TYW5: variants seen among roughly 807,000 people sequenced by gnomAD.
TYW5 encodes tRNA wybutosine-synthesizing protein 5.
Under a neutral mutation model 44.4 loss-of-function variants are expected in TYW5, and 36 were observed. That is an observed-to-expected ratio of 0.81 (90% CI 0.62 to 1.07). The LOEUF (loss-of-function observed/expected upper bound fraction) is 1.07, where lower values mean the gene tolerates loss of function less well. Among genes scored for constraint, TYW5 ranks in the 50% least tolerant of loss-of-function variants. TYW5 has a pLI of 0.00. For missense variants in TYW5, 354 were observed against 365.7 expected (o/e 0.97, Z 0.26); for synonymous variants, 121 against 128.1 (o/e 0.94, Z 0.37).
At chr2:199,955,052 T>C (rs2077584069) in intron 1 of TYW5, among the ~76,000 whole-genome samples, 1 of 152,204 alleles carries the variant, frequency 6.6e-6, no homozygotes, top group Non-Finnish European at 1.5e-5. Context: ...CTTTCCTTTT[T>C]GGCTCAGTGG....
chr2:199,940,709 G>C (rs982923366), intron 3 of TYW5, among the ~76,000 whole-genome samples: 2 of 151,700 alleles, frequency 1.3e-5, no homozygotes, highest in African/African-American at 4.8e-5. Flanking sequence ...GCTCATGATA[G>C]TGACTGGATC....
In TYW5 at chr2:199,935,993, A is replaced by T. The variant is rs2077417513; in HGVS notation, c.629T>A (p.Leu210His). 3 of 1,613,306 alleles carry T rather than the reference A, an allele frequency of 1.9e-6. No individual in the cohort carries two copies. ...TTCATATCTTCTAGCCTTGGAAAAAAGTGGATATTTAGCCAAGTCTGGGTT... is the reference window on the plus strand; with the variant it reads ...TTCATATCTTCTAGCCTTGGAAAAATGTGGATATTTAGCCAAGTCTGGGTT... ...IDNPDLAKYP[L>H]FSKARRYECS... The change falls in exon 7 of 8, where the codon CTT (leucine) becomes CAT (histidine). Residue 210 changes from leucine (L) to histidine (H), a missense_variant. Physicochemically the swap from Leu to His is moderately conservative, Grantham distance 99. Transcript: ENST00000354611.
At position 199,932,282 on chromosome 2, in the gene TYW5, A is replaced by T. The variant is rs1289890332; in HGVS notation, c.*785T>A. ...GGACCTAGGTATCTGTACATTTTTT[A>T]AAGTTCCTCAAAAAATTCTGCTTCT... On this transcript the variant is annotated 3_prime_UTR_variant, in exon 8 of 8. Coordinates refer to ENST00000354611, the MANE Select transcript of TYW5 (RefSeq NM_001039693.3). 1 of 152,190 alleles carries T rather than the reference A, an allele frequency of 6.6e-6. No homozygotes were observed. The highest frequency in any genetic ancestry group is 2.4e-5 in the African/African-American group (1 of 41,448). The allele number at this position is 152,190 out of a possible 1,614,324, so 9.4% of individuals were successfully genotyped here.
intron 7 of TYW5, among the ~76,000 whole-genome samples, chr2:199,934,581 T>TG (rs2077404741): frequency 6.6e-6 from 1 of 152,018 alleles, no homozygotes; most frequent in African/African-American, 2.4e-5. Flanking sequence ...AAGACAAAGA[T>TG]GAACAAAACA....
intron 1 of TYW5, among the ~76,000 whole-genome samples, chr2:199,951,438 T>C (rs2077544108): frequency 6.6e-6 from 1 of 152,206 alleles, no homozygotes; most frequent in Non-Finnish European, 1.5e-5. Context: ...TAGGGTCTTT[T>C]AAAAAATAAT....
intron 1 of TYW5, among the ~76,000 whole-genome samples, chr2:199,953,368 A>G (rs1484817890): frequency 6.6e-6 from 1 of 152,166 alleles, no homozygotes; most frequent in East Asian, 1.9e-4. Context: ...AGGTTTATCA[A>G]TTGTAACAAA....
Position 199,953,516 on chromosome 2 carries a change from T to TA in TYW5, c.78+1876dup, listed in dbSNP as rs1219456447. On this transcript the variant is annotated intron_variant, in intron 1 of 7. Coordinates refer to ENST00000354611, the MANE Select transcript of TYW5 (RefSeq NM_001039693.3). ...AGCCTCGAAAAAACAGTCTATTTTT[T>TA]AAAAAGTCATTTTGTGCCTTATTGA... Among the ~76,000 whole-genome samples the TA allele has an allele frequency of 1.6e-4, 24 of 152,272 alleles. No individual in the cohort carries two copies. In the South Asian group the frequency reaches 4.6e-3, roughly 29 times the overall value.
rs1262292074 is a variant in TYW5 at position 199,929,629 on chromosome 2, T to G, written c.*3438A>C. Among the ~76,000 whole-genome samples the G allele has an allele frequency of 1.3e-5, 2 of 151,528 alleles. No homozygotes were observed. The highest frequency in any genetic ancestry group is 2.9e-5 in the Non-Finnish European group (2 of 67,944). On this transcript the variant is annotated 3_prime_UTR_variant, in exon 8 of 8. Transcript: ENST00000354611. ...TTTATAGGTGATAGAAAAGCCGCCT[T>G]ACTAAGGTTCTTTCCAAATGTTCAC...
chr2:199,940,805 ATTAT>A (rs1157698882), intron 3 of TYW5, among the ~76,000 whole-genome samples: 3 of 152,156 alleles, frequency 2.0e-5, no homozygotes, highest in African/African-American at 7.2e-5. Context: ...TATGTTCCAA[ATTAT>A]TTAGACTCTT....
At chr2:199,935,770 A>ACACACACG (rs1435917510) in intron 7 of TYW5, among the ~76,000 whole-genome samples, 161 bp downstream of exon 7, 1 of 145,754 alleles carries the variant, frequency 6.9e-6, no homozygotes, top group East Asian at 2.0e-4. Flanking sequence ...ACACACATAC[A>ACACACACG]CACACACGCA....
intron 5 of TYW5, 111 bp from the exon 6 acceptor site, chr2:199,936,603 T>A: frequency 6.2e-6 from 5 of 804,732 alleles, no homozygotes; most frequent in Non-Finnish European, 1.0e-5. Context: ...AGACTTGACT[T>A]ACTTAAGACT....
intron 1 of TYW5, among the ~76,000 whole-genome samples, chr2:199,951,040 C>T (rs1471041960): frequency 6.6e-6 from 1 of 152,172 alleles, no homozygotes; most frequent in Non-Finnish European, 1.5e-5. Context: ...TAATTATTTA[C>T]TTTTATTAAT....
rs1030593564 is a variant in TYW5, at chr2:199,930,984, C to T, written c.*2083G>A. 1 of 152,050 alleles carries T rather than the reference C, an allele frequency of 6.6e-6. No homozygotes were observed. The highest frequency in any genetic ancestry group is 1.5e-5 in the Non-Finnish European group (1 of 67,998). The allele number at this position is 152,050 out of a possible 1,614,324, so 9.4% of individuals were successfully genotyped here. A position where few individuals can be genotyped will look rare whatever the true frequency, so the allele number is the denominator to read the frequency against. ...AAACAAACATCTCATTTGGTCTTAACCCAGTAGGAAGAAAAGATTAAAATA... is the reference window on the plus strand; with the variant it reads ...AAACAAACATCTCATTTGGTCTTAATCCAGTAGGAAGAAAAGATTAAAATA... On this transcript the variant is annotated 3_prime_UTR_variant, in exon 8 of 8. Transcript: ENST00000354611.
At chr2:199,944,052 A>G in intron 2 of TYW5, 1 of 414,920 alleles carries the variant, frequency 2.4e-6, no homozygotes, top group Non-Finnish European at 4.3e-6. Flanking sequence ...TTGGAATTAA[A>G]TATTTCAAAA....
chr2:199,954,250 C>T (rs920385369), intron 1 of TYW5, among the ~76,000 whole-genome samples: 6 of 151,088 alleles, frequency 4.0e-5, no homozygotes, highest in Non-Finnish European at 8.9e-5. Context: ...TACAGGCGTG[C>T]GCCACCACGC....
intron 3 of TYW5, chr2:199,942,966 C>T (rs896786536): frequency 2.6e-5 from 4 of 151,864 alleles, no homozygotes; most frequent in Non-Finnish European, 4.4e-5. Flanking sequence ...AAGTGATTCG[C>T]CTGCCTCAGC....
intron 4 of TYW5, 97 bp downstream of exon 4, chr2:199,939,992 A>G: frequency 8.9e-7 from 1 of 1,120,298 alleles, no homozygotes; most frequent in Non-Finnish European, 1.3e-6. Flanking sequence ...AGAACAGGGA[A>G]TATGTCAGGC....
Position 199,932,075 on chromosome 2 carries a change from G to A in TYW5, c.*992C>T, listed in dbSNP as rs1275473962. 1 of 152,042 alleles carries A rather than the reference G, an allele frequency of 6.6e-6. No individual in the cohort carries two copies. The highest frequency in any genetic ancestry group is 6.6e-5 in the Admixed American group (1 of 15,256). The allele number at this position is 152,042 out of a possible 1,614,324, so 9.4% of individuals were successfully genotyped here. A position where few individuals can be genotyped will look rare whatever the true frequency, so the allele number is the denominator to read the frequency against. ...ACCAAAAACCACCCTGACATACTGG[G>A]TGGCAAGAAAAGTCAAGATCAGATT... On this transcript the variant is annotated 3_prime_UTR_variant, in exon 8 of 8. Coordinates refer to ENST00000354611, the MANE Select transcript of TYW5 (RefSeq NM_001039693.3).
intron 1 of TYW5, among the ~76,000 whole-genome samples, chr2:199,951,645 C>T (rs1336150697): frequency 6.6e-6 from 1 of 152,136 alleles, no homozygotes; most frequent in Non-Finnish European, 1.5e-5. Flanking sequence ...ACATATATTT[C>T]ATTATCTCTT....
Sources: gnomAD v4.1 joint callset for allele counts (sites outside exome capture counted in the v4.1 genomes callset) on GRCh38, gnomAD v4.1.1 for gene constraint, MANE v1.5 for transcripts, NCBI Gene and HGNC (gene_info 2026-07-23, HGNC 2026-07-21) for gene names.